DMGDH: variants seen among roughly 807,000 people sequenced by gnomAD.
DMGDH encodes the protein dimethylglycine dehydrogenase.
DMGDH carries 76 observed loss-of-function variants against 95.2 expected under a neutral mutation model. The observed-to-expected ratio is 0.80, with a 90% confidence interval of 0.66 to 0.97. DMGDH has a LOEUF of 0.97. Ranked by LOEUF, DMGDH falls within the 50% of genes least tolerant of loss-of-function variation. The pLI is 0.00. For missense variants in DMGDH, 987 were observed against 1,055.0 expected (o/e 0.94, Z 0.89); for synonymous variants, 345 against 377.6 (o/e 0.91, Z 1.00).
chr5:79,060,700 C>A (rs1394512334), intron 2 of DMGDH, among the ~76,000 whole-genome samples: 1 of 150,724 alleles, frequency 6.6e-6, no homozygotes, highest in Non-Finnish European at 1.5e-5. Context: ...CAGGGCAGAT[C>A]ACGAGGTCAA....
chr5:79,018,634 A>G (rs1430750104), intron 14 of DMGDH, among the ~76,000 whole-genome samples: 1 of 152,166 alleles, frequency 6.6e-6, no homozygotes, highest in East Asian at 1.9e-4. Flanking sequence ...ACTAAAACTT[A>G]TCAAATTGCT....
At chr5:79,044,719 G>T (rs747216261) in intron 5 of DMGDH, among the ~76,000 whole-genome samples, 167 bp from the exon 6 acceptor site, 1 of 152,254 alleles carries the variant, frequency 6.6e-6, no homozygotes, top group South Asian at 2.1e-4. Context: ...AAACTGAATG[G>T]GGGAAGAGAA....
intron 2 of DMGDH, among the ~76,000 whole-genome samples, chr5:79,058,339 G>T (rs796098522): frequency 2.8e-4 from 42 of 152,258 alleles, no homozygotes; most frequent in African/African-American, 9.1e-4. Context: ...ATTGCACATG[G>T]TATCTTTTGT....
chr5:79,000,109 A>T (rs537565890), intron 15 of DMGDH: 11 of 451,320 alleles, frequency 2.4e-5, no homozygotes, highest in Non-Finnish European at 4.3e-5. Flanking sequence ...TCAGTGATGA[A>T]CATTTTTTGT....
intron 14 of DMGDH, among the ~76,000 whole-genome samples, chr5:79,014,968 C>T (rs953086012): frequency 1.3e-5 from 2 of 152,128 alleles, no homozygotes; most frequent in Non-Finnish European, 2.9e-5. Context: ...AGGGCAGAGG[C>T]AAGTGCAGAG....
chr5:79,005,545 C>A (rs1050802933), intron 14 of DMGDH, 138 bp from the exon 15 acceptor site: 7 of 1,213,218 alleles, frequency 5.8e-6, no homozygotes, highest in African/African-American at 1.5e-5. Context: ...GATCATATGT[C>A]TAGACAAATA....
chr5:79,050,486 C>A (rs1754822727), intron 5 of DMGDH, among the ~76,000 whole-genome samples: 1 of 152,010 alleles, frequency 6.6e-6, no homozygotes, highest in Non-Finnish European at 1.5e-5. Context: ...ACATTATAAA[C>A]CATAGGAAAA....
chr5:79,051,791 G>A (rs1344301202), intron 4 of DMGDH, among the ~76,000 whole-genome samples: 1 of 151,746 alleles, frequency 6.6e-6, no homozygotes, highest in African/African-American at 2.4e-5. Flanking sequence ...TTTTAATACT[G>A]TTAATAAATT....
At chr5:79,024,867 A>T (rs1455442209) in intron 13 of DMGDH, among the ~76,000 whole-genome samples, 1 of 152,242 alleles carries the variant, frequency 6.6e-6, no homozygotes, top group Non-Finnish European at 1.5e-5. Context: ...TAACGCCAAT[A>T]TTTGGTAATA....
chr5:79,054,003 A>G (rs1019117995), intron 4 of DMGDH, among the ~76,000 whole-genome samples, 181 bp downstream of exon 4: 1 of 152,208 alleles, frequency 6.6e-6, no homozygotes, highest in Non-Finnish European at 1.5e-5. Flanking sequence ...ACCTTTTTAT[A>G]TATCATTTAC....
chr5:79,038,723 G>C (rs189047251), intron 7 of DMGDH, among the ~76,000 whole-genome samples: 48 of 152,216 alleles, frequency 3.2e-4, no homozygotes, highest in African/African-American at 1.1e-3. Flanking sequence ...GGAGAGGAGA[G>C]CAGTCCTAGG....
intron 14 of DMGDH, among the ~76,000 whole-genome samples, chr5:79,010,837 C>T (rs775922806): frequency 6.6e-6 from 1 of 152,040 alleles, no homozygotes; most frequent in Non-Finnish European, 1.5e-5. Flanking sequence ...GTCTTATAGG[C>T]GGGGAAGGGC....
At chr5:79,053,180 T>C (rs1754917134) in intron 4 of DMGDH, among the ~76,000 whole-genome samples, 1 of 152,198 alleles carries the variant, frequency 6.6e-6, no homozygotes, top group African/African-American at 2.4e-5. Flanking sequence ...AGAGACAGGC[T>C]CTCACTTCGT....
intron 14 of DMGDH, among the ~76,000 whole-genome samples, chr5:79,022,458 T>G (rs1474533900): frequency 1.3e-5 from 2 of 152,180 alleles, no homozygotes; most frequent in Admixed American, 6.5e-5. Flanking sequence ...TATGAGTAGG[T>G]TAATACCAAC....
At chr5:79,054,912 A>G (rs1035216841) in intron 3 of DMGDH, among the ~76,000 whole-genome samples, 1 of 152,188 alleles carries the variant, frequency 6.6e-6, no homozygotes, top group African/African-American at 2.4e-5. Flanking sequence ...AACAATTACA[A>G]TAGAGAGAGA....
chr5:79,063,168 T>C (rs1755259853), intron 2 of DMGDH, among the ~76,000 whole-genome samples: 1 of 151,078 alleles, frequency 6.6e-6, no homozygotes, highest in Non-Finnish European at 1.5e-5. Context: ...GTGAGGGGAG[T>C]ATAGGTAAAG....
rs1013979134 is a variant in DMGDH at position 79,051,341 on chromosome 5, C to A, written c.691G>T (p.Asp231Tyr). ...SLKARSDGTW[D>Y]VETPQGSMRA... ...ATAGACCCCTGTGGTGTTTCAACGT[C>A]CCATGTTCCATCTGACCTGGCTTTC... The change falls in exon 5 of 16, where the codon GAC (aspartate) becomes TAC (tyrosine). Residue 231 changes from aspartate (D) to tyrosine (Y), a missense_variant. By Grantham distance (160) the Asp-to-Tyr change is radical. Coordinates refer to ENST00000255189, the MANE Select transcript of DMGDH (RefSeq NM_013391.3). The A allele has an allele frequency of 5.0e-6, 8 of 1,614,040 alleles. No homozygotes were observed. The South Asian group carries it at 5.5e-5, about 11-fold the overall frequency.
intron 6 of DMGDH, 44 bp from the exon 7 acceptor site, chr5:79,042,525 G>C: frequency 6.3e-7 from 1 of 1,587,268 alleles, no homozygotes; most frequent in Non-Finnish European, 8.7e-7. Context: ...TAGCTGAGCT[G>C]ACAAGTCCTG....
chr5:79,034,801 T>C lies in DMGDH; in HGVS notation c.1194-1393A>G, dbSNP rs181390128. ...GGCCGGGCGCGATGTCTCACGCCTGTAATCCCAGCACTTTGGGAGGCCGAG... is the reference window on the plus strand; with the variant it reads ...GGCCGGGCGCGATGTCTCACGCCTGCAATCCCAGCACTTTGGGAGGCCGAG... On this transcript the variant is annotated intron_variant, in intron 7 of 15. Coordinates refer to ENST00000255189, the MANE Select transcript of DMGDH (RefSeq NM_013391.3). Among the ~76,000 whole-genome samples, 1,023 of 152,250 alleles carry C rather than the reference T, an allele frequency of 6.7e-3. 11 individuals are homozygous for C. Among genetic ancestry groups the C allele is most frequent in the African/African-American group, 0.023 (958 of 41,508 alleles).
Sources: gnomAD v4.1 joint callset for allele counts (sites outside exome capture counted in the v4.1 genomes callset) on GRCh38, gnomAD v4.1.1 for gene constraint, MANE v1.5 for transcripts, NCBI Gene and HGNC (gene_info 2026-07-23, HGNC 2026-07-21) for gene names.